DSTYK: variants seen among roughly 807,000 people sequenced by gnomAD.
The protein encoded by DSTYK is RIP-homologous kinase.
A neutral mutation model predicts 98.7 loss-of-function variants in DSTYK; 34 were observed. The observed-to-expected ratio is 0.34, with a 90% CI of 0.26 to 0.46. The LOEUF (loss-of-function observed/expected upper bound fraction) is 0.46. Ranked by LOEUF, DSTYK falls within the 20% of genes least tolerant of loss-of-function variation. The probability of loss-of-function intolerance (pLI) is 1.00; values close to 1 mark genes in which losing one functional copy is unlikely to be tolerated. For synonymous variants in DSTYK, 462 were observed against 457.3 expected, an observed-to-expected ratio of 1.01 and a Z score of -0.13; for missense variants, 962 against 1,181.7, an observed-to-expected ratio of 0.81 and a Z score of 2.73.
chr1:205,194,983 C>A (rs976664189), intron 1 of DSTYK, among the ~76,000 whole-genome samples: 3 of 151,620 alleles, frequency 2.0e-5, no homozygotes, highest in African/African-American at 7.3e-5. Flanking sequence ...CAGGCAAGTG[C>A]CACTAATTTT....
intron 2 of DSTYK, among the ~76,000 whole-genome samples, chr1:205,174,733 T>C (rs1029954256): frequency 3.1e-5 from 3 of 95,562 alleles, no homozygotes; most frequent in African/African-American, 6.6e-5. Context: ...TCAGGCTTTA[T>C]TTTTAATTTT....
rs767386511 is a variant in DSTYK, at chr1:205,147,684, A to G, written c.2664T>C (p.Cys888=). Residue 888 remains cysteine (C), a synonymous_variant, in exon 13 of 13, where the codon TGT becomes TGC. Transcript: ENST00000367162. ...DEECWQLMEA[C]WDGDPLKRPL... is the part of the protein sequence containing the mutation. ...GCCTCTTCAAGGGGTCGCCATCCCA[A>G]CAGGCTTCCATCAACTGCCAGCACT... The G allele has an allele frequency of 4.3e-6, 7 of 1,614,022 alleles. No homozygotes were observed. The African/African-American group carries it at 6.7e-5, about 15-fold the overall frequency.
At chr1:205,165,676 C>T (rs1351491232) in intron 3 of DSTYK, among the ~76,000 whole-genome samples, 3 of 152,220 alleles carry the variant, frequency 2.0e-5, no homozygotes. Context: ...TTTGATCTAA[C>T]TATTTTGCTT....
chr1:205,152,330 A>G (rs1411144731), intron 10 of DSTYK, among the ~76,000 whole-genome samples: 1 of 152,230 alleles, frequency 6.6e-6, no homozygotes, highest in Non-Finnish European at 1.5e-5. Context: ...GGCATGCGCC[A>G]CCACACCCAG....
chr1:205,143,953 T>C lies in DSTYK; in HGVS notation c.*3605A>G, dbSNP rs534885049. 7.9e-5 allele frequency: 12 copies of C among 152,788 alleles called. No individual in the cohort carries two copies. The highest frequency in any genetic ancestry group is 3.9e-4 in the Admixed American group (6 of 15,302). 9.5% of individuals were successfully genotyped at this position (152,788 alleles called of 1,614,324 possible). Reference sequence around the variant, plus strand: ...TTGATGGAGTCAAAAGTGACTCTCTTTGGTCTGGGAACAACCAGCACAGTC... The same window carrying C: ...TTGATGGAGTCAAAAGTGACTCTCTCTGGTCTGGGAACAACCAGCACAGTC... On this transcript the variant is annotated 3_prime_UTR_variant, in exon 13 of 13. Coordinates refer to ENST00000367162, the MANE Select transcript of DSTYK (RefSeq NM_015375.3).
intron 2 of DSTYK, among the ~76,000 whole-genome samples, chr1:205,177,883 A>G (rs1206457800): frequency 2.0e-5 from 3 of 152,088 alleles, no homozygotes; most frequent in African/African-American, 7.2e-5. Context: ...AAAAAAAGAA[A>G]AAGAAAATAC....
chr1:205,160,399 G>A lies in DSTYK; in HGVS notation c.1949-129C>T, dbSNP rs563890751. 5.9e-6 allele frequency: 5 copies of A among 847,220 alleles called. 1 individual carries two copies. In the African/African-American group the frequency reaches 8.6e-5, roughly 15 times the overall value. 52.5% of individuals were successfully genotyped at this position (847,220 alleles called of 1,614,324 possible). On this transcript the variant is annotated intron_variant, in intron 7 of 12. Coordinates refer to ENST00000367162, the MANE Select transcript of DSTYK (RefSeq NM_015375.3). ...CACCCAAGCAGGAGTGCAGTGGCAT[G>A]ATCTCTGCTCACTGCAACCTCTGCC...
intron 1 of DSTYK, among the ~76,000 whole-genome samples, chr1:205,189,052 A>G (rs1345788915): frequency 5.3e-5 from 8 of 152,230 alleles, no homozygotes; most frequent in Non-Finnish European, 1.5e-5. Flanking sequence ...TACCACATGT[A>G]TCCTATAAAT....
chr1:205,205,023 G>T (rs1659158655), intron 1 of DSTYK, among the ~76,000 whole-genome samples: 1 of 152,082 alleles, frequency 6.6e-6, no homozygotes, highest in African/African-American at 2.4e-5. Context: ...TTCCATGAGG[G>T]AAGAAAATTA....
Position 205,187,399 on chromosome 1 carries a change from A to T in DSTYK, c.654+19T>A, listed in dbSNP as rs374368144. 6.3e-7 allele frequency: 1 copy of T among 1,588,848 alleles called. No individual in the cohort carries two copies. Among genetic ancestry groups the T allele is most frequent in the South Asian group, 1.1e-5 (1 of 87,392 alleles). On this transcript the variant is annotated intron_variant, in intron 2 of 12. Transcript: ENST00000367162. The stretch of plus-strand genomic sequence containing the variant: ...TGGTATATATGTATACAATTGGTAT[A>T]GAAGTATGAGATTGGTACCTGTAAG...
chr1:205,165,633 A>G (rs1046713707), intron 3 of DSTYK, among the ~76,000 whole-genome samples: 25 of 152,232 alleles, frequency 1.6e-4, no homozygotes, highest in Admixed American at 1.6e-3. Flanking sequence ...ATCTATTAAA[A>G]TGTTCAACCA....
rs1460369752 is a variant in DSTYK at position 205,144,911 on chromosome 1, G to C, written c.*2647C>G. On this transcript the variant is annotated 3_prime_UTR_variant, in exon 13 of 13. Coordinates refer to ENST00000367162, the MANE Select transcript of DSTYK (RefSeq NM_015375.3). ...AATCTAACCTCCCATATGTGAATGA[G>C]AGTATGAGCTAATACTTCCCAAGAA... is the stretch of plus-strand genomic sequence containing the variant. 3 of 152,182 alleles carry C rather than the reference G, an allele frequency of 2.0e-5. No individual in the cohort carries two copies. Among genetic ancestry groups the C allele is most frequent in the Non-Finnish European group, 2.9e-5 (2 of 68,034 alleles). The allele number at this position is 152,182 out of a possible 1,614,324, so 9.4% of individuals were successfully genotyped here. A position where few individuals can be genotyped will look rare whatever the true frequency, so the allele number is the denominator to read the frequency against.
At chr1:205,168,325 C>G in intron 3 of DSTYK, among the ~76,000 whole-genome samples, 1 of 152,258 alleles carries the variant, frequency 6.6e-6, no homozygotes, top group South Asian at 2.1e-4. Flanking sequence ...CTGTGTGACC[C>G]TGGGCAAATT....
At chr1:205,190,872 AC>A (rs1658693386) in intron 1 of DSTYK, among the ~76,000 whole-genome samples, 1 of 152,096 alleles carries the variant, frequency 6.6e-6, no homozygotes, top group Non-Finnish European at 1.5e-5. Flanking sequence ...AAACTAAATA[AC>A]CTTTGTTACT....
chr1:205,201,572 T>C (rs1029492348), intron 1 of DSTYK, among the ~76,000 whole-genome samples: 4 of 152,094 alleles, frequency 2.6e-5, no homozygotes, highest in African/African-American at 9.7e-5. Context: ...AGGAATTAAA[T>C]TGCATTTAAT....
At chr1:205,183,067 G>GAA (rs3076771) in intron 2 of DSTYK, among the ~76,000 whole-genome samples, 69,586 of 141,952 alleles carry the variant, frequency 0.49, 19,496 homozygotes, top group Non-Finnish European at 0.63. Flanking sequence ...GTGTTCACAG[G>GAA]AAAAAAAAAA....
chr1:205,209,327 T>A (rs1376306163), intron 1 of DSTYK, among the ~76,000 whole-genome samples: 3 of 152,180 alleles, frequency 2.0e-5, no homozygotes, highest in Non-Finnish European at 4.4e-5. Context: ...GAAAGCACTG[T>A]TATGGGTGCG....
intron 1 of DSTYK, among the ~76,000 whole-genome samples, chr1:205,203,600 G>C (rs1553367669): frequency 1.5e-5 from 2 of 135,782 alleles, no homozygotes; most frequent in Non-Finnish European, 3.1e-5. Context: ...GGAGGGGGCA[G>C]AATTTCCCAA....
At chr1:205,167,340 C>T (rs1657920107) in intron 3 of DSTYK, among the ~76,000 whole-genome samples, 1 of 152,106 alleles carries the variant, frequency 6.6e-6, no homozygotes, top group South Asian at 2.1e-4. Flanking sequence ...ATTGGGGCTG[C>T]AGTGAGCCAT....
Sources: allele counts gnomAD v4.1 joint callset (sites outside exome capture counted in the v4.1 genomes callset), GRCh38; gene constraint gnomAD v4.1.1; transcripts MANE v1.5; gene names NCBI Gene and HGNC (gene_info 2026-07-23, HGNC 2026-07-21).